VPS51: variants seen among roughly 807,000 people sequenced by gnomAD.
The protein encoded by VPS51 is vacuolar protein sorting-associated protein 51 homolog.
A neutral mutation model predicts 65.1 loss-of-function variants in VPS51; 55 were observed. That is an observed-to-expected ratio of 0.84 (90% CI 0.68 to 1.06). The LOEUF (loss-of-function observed/expected upper bound fraction) is 1.06. Ranked by LOEUF, VPS51 falls within the 50% of genes least tolerant of loss-of-function variation. The pLI is 0.00. For synonymous variants in VPS51, 473 were observed against 489.5 expected (o/e 0.97, Z 0.44); for missense variants, 943 against 1,101.6 (o/e 0.86, Z 2.04).
Position 65,109,310 on chromosome 11 carries a change from G to T in VPS51, c.1474G>T (p.Gly492Cys), listed in dbSNP as rs776609842. Reference protein sequence around the residue: ...GEFCSQGVREGLIVGFVHSMC... With the variant: ...GEFCSQGVRECLIVGFVHSMC... The stretch of plus-strand genomic sequence containing the variant: ...GTTCTGCAGTCAGGGTGTCCGTGAG[G>T]GCCTCATCGTGGGCTTCGTCCACTC... Residue 492 changes from glycine (G) to cysteine (C), a missense_variant, in exon 6 of 10, where the codon GGC becomes TGC. Physicochemically the swap from Gly to Cys is radical, Grantham distance 159. This residue lies in a region of VPS51 where 855 missense variants were observed against 953.7 expected (regional missense o/e 0.90). Transcript: ENST00000279281. 12 of 1,613,262 alleles carry T rather than the reference G, an allele frequency of 7.4e-6. No individual in the cohort carries two copies. In the East Asian group the frequency reaches 2.7e-4, roughly 36 times the overall value.
chr11:65,096,507 C>CCCGGGGGGGGGGGGGGGGGG, intron 1 of VPS51, 29 bp downstream of exon 1: 1 of 362,222 alleles, frequency 2.8e-6, no homozygotes, highest in Non-Finnish European at 4.8e-6. Flanking sequence ...TGGGGGGGTG[C>CCCGGGGGGGGGGGGGGGGGG]GGGGAGGGGG....
intron 2 of VPS51, among the ~76,000 whole-genome samples, chr11:65,102,017 C>CTTT (rs990847395): frequency 4.8e-4 from 58 of 121,870 alleles, no homozygotes; most frequent in Admixed American, 9.3e-4. Context: ...TCTTAACAAG[C>CTTT]TTTTTTTTTT....
intron 1 of VPS51, 64 bp from the exon 2 acceptor site, chr11:65,096,934 T>C: frequency 2.5e-6 from 4 of 1,599,648 alleles, no homozygotes; most frequent in Non-Finnish European, 3.4e-6. Context: ...GCCTATCAGC[T>C]GCAGGCAAGG....
chr11:65,097,363 A>G (rs1006805794), intron 2 of VPS51, among the ~76,000 whole-genome samples: 10 of 152,154 alleles, frequency 6.6e-5, no homozygotes, highest in African/African-American at 2.4e-4. Flanking sequence ...AAAGGAGATT[A>G]GTTGTTTATT....
intron 2 of VPS51, among the ~76,000 whole-genome samples, chr11:65,099,687 T>C (rs1947795130): frequency 6.6e-6 from 1 of 151,858 alleles, no homozygotes. Context: ...ACCCAGCTAC[T>C]TGGGGAGGCT....
At position 65,108,358 on chromosome 11, in the gene VPS51, C is replaced by G; in HGVS notation, c.887C>G (p.Pro296Arg). The G allele has an allele frequency of 6.2e-7, 1 of 1,612,042 alleles. No individual in the cohort carries two copies. Among genetic ancestry groups the G allele is most frequent in the Non-Finnish European group, 8.5e-7 (1 of 1,179,638 alleles). Residue 296 changes from proline to arginine, a missense_variant, in exon 5 of 10, where the codon CCG becomes CGG. Coordinates refer to ENST00000279281, the MANE Select transcript of VPS51 (RefSeq NM_013265.4). Reference sequence around the variant, plus strand: ...GAGGCCGAGCTGGGGCCCTCACCTCCGGCTCCCGACGTGTTAGAGTTCACC... The same window carrying G: ...GAGGCCGAGCTGGGGCCCTCACCTCGGGCTCCCGACGTGTTAGAGTTCACC... ...NLEAELGPSPPAPDVLEFTDH... is the reference protein window; with the variant it reads ...NLEAELGPSPRAPDVLEFTDH...
At position 65,096,260 on chromosome 11, in the gene VPS51, G is replaced by A. The variant is rs934422727; in HGVS notation, c.10G>A (p.Ala4Thr). The change falls in exon 1 of 10, where the codon GCA (alanine) becomes ACA (threonine). Residue 4 changes from alanine to threonine, a missense_variant. By Grantham distance (58) the Ala-to-Thr change is moderately conservative. Transcript: ENST00000279281. The stretch of plus-strand genomic sequence containing the variant: ...GGCTGCAGTTGGAACGATGGCGGCG[G>A]CAGCTGCCGCCGGGCCTAGCCCGGG... MAAAAAAGPSPGSG... is the reference protein window; with the variant it reads MAATAAAGPSPGSG... 20 of 1,519,592 alleles carry A rather than the reference G, an allele frequency of 1.3e-5. No homozygotes were observed. The highest frequency in any genetic ancestry group is 1.8e-5 in the Non-Finnish European group (20 of 1,137,576). 94.1% of individuals were successfully genotyped at this position (1,519,592 alleles called of 1,614,324 possible).
At chr11:65,111,178 G>T in intron 9 of VPS51, 149 bp from the exon 10 acceptor site, 1 of 1,195,840 alleles carries the variant, frequency 8.4e-7, no homozygotes, top group Non-Finnish European at 1.2e-6. Flanking sequence ...CGCTAATATT[G>T]TATCCCTCCC....
At chr11:65,101,665 G>A (rs1265085286) in intron 2 of VPS51, among the ~76,000 whole-genome samples, 2 of 147,836 alleles carry the variant, frequency 1.4e-5, no homozygotes, top group East Asian at 2.0e-4. Flanking sequence ...TGCTCAGGAA[G>A]CTGAGGTGGA....
Position 65,108,821 on chromosome 11 carries a change from C to T in VPS51, c.1350C>T (p.Ala450=), listed in dbSNP as rs1479266631. 2 of 1,612,820 alleles carry T rather than the reference C, an allele frequency of 1.2e-6. No homozygotes were observed. The highest frequency in any genetic ancestry group is 2.7e-5 in the African/African-American group (2 of 74,928). The change falls in exon 5 of 10, where the codon GCC becomes GCT. Residue 450 remains alanine, a synonymous_variant. Transcript: ENST00000279281. Reference sequence around the variant, plus strand: ...TGGCCGAGTTGCTGGCCAATGTGGCCAGCTCCATCCTGAGCCACATTAAGG... The same window carrying T: ...TGGCCGAGTTGCTGGCCAATGTGGCTAGCTCCATCCTGAGCCACATTAAGG... ...PGLAELLANV[A]SSILSHIKAS... is the part of the protein sequence containing the mutation.
chr11:65,096,847 G>T (rs1409541342), intron 1 of VPS51, 151 bp from the exon 2 acceptor site: 1 of 1,223,238 alleles, frequency 8.2e-7, no homozygotes, highest in East Asian at 2.6e-5. Context: ...GGCCACTTAG[G>T]GCCCCCTGCC....
chr11:65,108,060 G>T, intron 4 of VPS51, 38 bp downstream of exon 4: 1 of 1,486,704 alleles, frequency 6.7e-7, no homozygotes. Context: ...GCTCCCGCCA[G>T]CCCCGAGCCC....
chr11:65,110,534 G>A lies in VPS51; in HGVS notation c.1931G>A (p.Ser644Asn). The change falls in exon 8 of 10, where the codon AGC becomes AAC. Residue 644 changes from serine to asparagine, a missense_variant. Ser to Asn is a conservative substitution (Grantham distance 46). Coordinates refer to ENST00000279281, the MANE Select transcript of VPS51 (RefSeq NM_013265.4). ...GVRKAQSSDS[S>N]KRTFSVYSSS... ...CGCAAGGCCCAGAGCAGCGACTCCAGCAAGAGGACTTTCTCCGTGTACAGC... is the reference window on the plus strand; with the variant it reads ...CGCAAGGCCCAGAGCAGCGACTCCAACAAGAGGACTTTCTCCGTGTACAGC... 6.2e-7 allele frequency: 1 copy of A among 1,614,038 alleles called. No homozygotes were observed. Among genetic ancestry groups the A allele is most frequent in the African/African-American group, 1.3e-5 (1 of 75,056 alleles).
In VPS51 at chr11:65,111,419, G is replaced by A; in HGVS notation, c.2181G>A (p.Gln727=). Residue 727 remains glutamine, a synonymous_variant, in exon 10 of 10, where the codon CAG becomes CAA. Coordinates refer to ENST00000279281, the MANE Select transcript of VPS51 (RefSeq NM_013265.4). ...CCTTTGGGCGCTTCGGGCTGCAGCA[G>A]GTGCAAGTGGACTGCCACTTTCTGC... The part of the protein sequence containing the change: ...LRTFGRFGLQ[Q]VQVDCHFLQL... 6.2e-7 allele frequency: 1 copy of A among 1,613,668 alleles called. No individual in the cohort carries two copies. The highest frequency in any genetic ancestry group is 8.5e-7 in the Non-Finnish European group (1 of 1,180,038).
intron 9 of VPS51, 58 bp downstream of exon 9, chr11:65,110,839 A>G: frequency 6.2e-7 from 1 of 1,603,460 alleles, no homozygotes; most frequent in Non-Finnish European, 8.5e-7. Flanking sequence ...TGGCTGGAGC[A>G]GCCCCACACC....
intron 7 of VPS51, 21 bp downstream of exon 7, chr11:65,109,944 G>C (rs1947879734): frequency 6.4e-7 from 1 of 1,571,898 alleles, no homozygotes; most frequent in Non-Finnish European, 8.6e-7. Flanking sequence ...GGCTGGCCGG[G>C]GTAGCCCTGA....
At chr11:65,103,880 C>T (rs575051707) in intron 2 of VPS51, among the ~76,000 whole-genome samples, 18 of 150,950 alleles carry the variant, frequency 1.2e-4, no homozygotes, top group South Asian at 4.2e-4. Flanking sequence ...TTTATAGTAA[C>T]GTTTACAGGG....
rs1394789011 is a variant in VPS51 at position 65,108,695 on chromosome 11, C to T, written c.1224C>T (p.Gly408=). 6.3e-7 allele frequency: 1 copy of T among 1,599,770 alleles called. No homozygotes were observed. The highest frequency in any genetic ancestry group is 1.1e-5 in the South Asian group (1 of 90,256). ...AACGAGTGGCCCGCGAGCGCCTGGG[C>T]CACCACCTGCAGGGTCTCCGGGCGG... ...IVERVARERL[G]HHLQGLRAAF... is the part of the protein sequence containing the mutation. The change falls in exon 5 of 10, where the codon GGC becomes GGT. Residue 408 remains glycine, a synonymous_variant. Transcript: ENST00000279281.
intron 1 of VPS51, 165 bp from the exon 2 acceptor site, chr11:65,096,833 G>A: frequency 9.4e-7 from 1 of 1,058,344 alleles, no homozygotes; most frequent in Non-Finnish European, 1.4e-6. Flanking sequence ...TAACCCCTGA[G>A]CTAGGCCACT....
Sources: allele counts gnomAD v4.1 joint callset (sites outside exome capture counted in the v4.1 genomes callset), GRCh38; gene constraint gnomAD v4.1.1; regional missense constraint gnomAD v4.1.1; transcripts MANE v1.5; gene names NCBI Gene and HGNC (gene_info 2026-07-23, HGNC 2026-07-21).